Variants in CD274 observed in about 807,000 individuals in gnomAD.
CD274 encodes the protein programmed cell death 1 ligand 1.
In CD274, 8 loss-of-function variants were observed where a neutral mutation model predicts 30.1. The observed-to-expected ratio is 0.27, with a 90% confidence interval of 0.16 to 0.48. The LOEUF (loss-of-function observed/expected upper bound fraction) is 0.48. Ranked by LOEUF, CD274 falls within the 20% of genes least tolerant of loss-of-function variation. The probability of loss-of-function intolerance (pLI) is 0.99; values close to 1 mark genes in which losing one functional copy is unlikely to be tolerated. For missense variants in CD274, 353 were observed against 346.6 expected, an observed-to-expected ratio of 1.02 and a Z score of -0.15; for synonymous variants, 152 against 124.6, an observed-to-expected ratio of 1.22 and a Z score of -1.46.
intron 2 of CD274, among the ~76,000 whole-genome samples, 155 bp downstream of exon 2, chr9:5,456,320 A>G (rs561808761): frequency 9.2e-5 from 14 of 152,346 alleles, no homozygotes; most frequent in African/African-American, 3.4e-4. Context: ...TCTTCTTTCT[A>G]CTTTACGCAA....
chr9:5,458,717 G>T (rs1312502256), intron 3 of CD274, among the ~76,000 whole-genome samples: 5 of 152,142 alleles, frequency 3.3e-5, no homozygotes, highest in South Asian at 4.1e-4. Flanking sequence ...CTCAGGTAAT[G>T]CCACTATTGT....
intron 6 of CD274, among the ~76,000 whole-genome samples, chr9:5,467,144 T>C (rs529744447): frequency 7.2e-5 from 11 of 152,286 alleles, no homozygotes; most frequent in African/African-American, 2.2e-4. Context: ...ATTGTAATAC[T>C]ATGTTAATTG....
intron 1 of CD274, among the ~76,000 whole-genome samples, chr9:5,454,002 T>G (rs1437221173): frequency 6.6e-6 from 1 of 152,238 alleles, no homozygotes; most frequent in Middle Eastern, 3.2e-3. Context: ...TCTTTTCTTA[T>G]TTTCTGTAAT....
At position 5,457,326 on chromosome 9, in the gene CD274, G is replaced by C. The variant is rs1030540266; in HGVS notation, c.300G>C (p.Gln100His). The C allele has an allele frequency of 4.3e-6, 7 of 1,613,976 alleles. No individual in the cohort carries two copies. Among genetic ancestry groups the C allele is most frequent in the Admixed American group, 1.7e-5 (1 of 59,946 alleles). ...TCTCCCTGGGAAATGCTGCACTTCAGATCACAGATGTGAAATTGCAGGATG... is the reference window on the plus strand; with the variant it reads ...TCTCCCTGGGAAATGCTGCACTTCACATCACAGATGTGAAATTGCAGGATG... ...DQLSLGNAAL[Q>H]ITDVKLQDAG... Residue 100 changes from glutamine (Q) to histidine (H), a missense_variant, in exon 3 of 7, where the codon CAG becomes CAC. Coordinates refer to ENST00000381577, the MANE Select transcript of CD274 (RefSeq NM_014143.4).
chr9:5,466,230 TGGAAGGGGATTCCAATA>T (rs928781637), intron 5 of CD274, among the ~76,000 whole-genome samples: 1 of 152,178 alleles, frequency 6.6e-6, no homozygotes, highest in Non-Finnish European at 1.5e-5. Flanking sequence ...AAGTAGAATA[TGGAAGGGGATTCCAATA>T]GTCGTTGAAA....
chr9:5,462,381 T>G (rs1819419457), intron 3 of CD274, among the ~76,000 whole-genome samples: 2 of 152,184 alleles, frequency 1.3e-5, no homozygotes, highest in Non-Finnish European at 2.9e-5. Context: ...AAGAAGCACT[T>G]TACTGAGAAA....
rs2131211869 is a variant in CD274 at position 5,457,228 on chromosome 9, G to A, written c.202G>A (p.Val68Met). Reference protein sequence around the residue: ...EMEDKNIIQFVHGEEDLKVQH... With the variant: ...EMEDKNIIQFMHGEEDLKVQH... ...GGAGGATAAGAACATTATTCAATTT[G>A]TGCATGGAGAGGAAGACCTGAAGGT... The change falls in exon 3 of 7, where the codon GTG (valine) becomes ATG (methionine). Residue 68 changes from valine to methionine, a missense_variant. Physicochemically the swap from Val to Met is conservative, Grantham distance 21 (BLOSUM62 1). Transcript: ENST00000381577. The A allele has an allele frequency of 6.2e-7, 1 of 1,614,112 alleles. No homozygotes were observed.
chr9:5,457,290 G>A lies in CD274; in HGVS notation c.264G>A (p.Leu88=), dbSNP rs2131212281. 1 of 1,614,064 alleles carries A rather than the reference G, an allele frequency of 6.2e-7. No individual in the cohort carries two copies. The highest frequency in any genetic ancestry group is 8.5e-7 in the Non-Finnish European group (1 of 1,179,996). Residue 88 remains leucine, a synonymous_variant, in exon 3 of 7, where the codon TTG becomes TTA. Transcript: ENST00000381577. ...GCTACAGACAGAGGGCCCGGCTGTT[G>A]AAGGACCAGCTCTCCCTGGGAAATG... The part of the protein sequence containing the change: ...HSSYRQRARL[L]KDQLSLGNAA...
chr9:5,460,049 G>A (rs532037136), intron 3 of CD274, among the ~76,000 whole-genome samples: 2 of 152,046 alleles, frequency 1.3e-5, no homozygotes, highest in Non-Finnish European at 2.9e-5. Flanking sequence ...AAAGATTTGG[G>A]CCTGTTTTAT....
intron 3 of CD274, among the ~76,000 whole-genome samples, chr9:5,459,873 C>A (rs560546924): frequency 6.6e-6 from 1 of 152,118 alleles, no homozygotes; most frequent in South Asian, 2.1e-4. Context: ...ACCAAATCGA[C>A]TGCTGTCATT....
Position 5,467,879 on chromosome 9 carries a change from C to G in CD274, c.*17C>G, listed in dbSNP as rs2131235718. ...GAGACGTAATCCAGCATTGGAACTTCTGATCTTCAAGCAGGGATTCTCAAC... is the reference window on the plus strand; with the variant it reads ...GAGACGTAATCCAGCATTGGAACTTGTGATCTTCAAGCAGGGATTCTCAAC... On this transcript the variant is annotated 3_prime_UTR_variant, in exon 7 of 7. Coordinates refer to ENST00000381577, the MANE Select transcript of CD274 (RefSeq NM_014143.4). 2 of 1,604,320 alleles carry G rather than the reference C, an allele frequency of 1.2e-6. No individual in the cohort carries two copies.
intron 1 of CD274, among the ~76,000 whole-genome samples, chr9:5,451,854 TG>T (rs1167448219): frequency 2.6e-5 from 4 of 152,052 alleles, no homozygotes; most frequent in African/African-American, 9.7e-5. Context: ...ATTTTTTTTT[TG>T]TTTTTGTAGA....
At chr9:5,455,054 CTT>C (rs1819276632) in intron 1 of CD274, among the ~76,000 whole-genome samples, 1 of 152,016 alleles carries the variant, frequency 6.6e-6, no homozygotes, top group Non-Finnish European at 1.5e-5. Flanking sequence ...AATCTCCTGT[CTT>C]ATATATACGT....
At chr9:5,454,628 CATAT>C (rs34028061) in intron 1 of CD274, among the ~76,000 whole-genome samples, 2 of 128,764 alleles carry the variant, frequency 1.6e-5, no homozygotes, top group East Asian at 2.6e-4. Flanking sequence ...CATATACAGA[CATAT>C]ATATATATAT....
At chr9:5,453,260 A>G (rs822340) in intron 1 of CD274, among the ~76,000 whole-genome samples, 117,094 of 152,088 alleles carry the variant, frequency 0.77, 45,875 homozygotes, top group African/African-American at 0.9. Flanking sequence ...AACATGAAGG[A>G]CTCATACAGG....
intron 1 of CD274, among the ~76,000 whole-genome samples, chr9:5,451,014 C>G (rs1372638780): frequency 6.6e-6 from 1 of 152,214 alleles, no homozygotes; most frequent in African/African-American, 2.4e-5. Context: ...CTAAGTAAGT[C>G]TCTTCCTGCG....
intron 5 of CD274, 146 bp downstream of exon 5, chr9:5,465,752 T>C (rs1357854981): frequency 2.1e-5 from 12 of 559,738 alleles, no homozygotes; most frequent in Non-Finnish European, 3.9e-5. Context: ...TGAAGCTGAG[T>C]GGGATCACTG....
rs535707908 is a variant in CD274 at position 5,460,914 on chromosome 9, T to C, written c.395-1920T>C. On this transcript the variant is annotated intron_variant, in intron 3 of 6. Coordinates refer to ENST00000381577, the MANE Select transcript of CD274 (RefSeq NM_014143.4). ...GTTGTATCATAAGAAACTGCCGTTT[T>C]TGAAGAGCAAAAAAAGGTTGAATGT... Among the ~76,000 whole-genome samples the C allele has an allele frequency of 2.0e-4, 31 of 152,314 alleles. No individual in the cohort carries two copies. In the South Asian group the frequency reaches 6.4e-3, roughly 32 times the overall value.
At position 5,469,510 on chromosome 9, in the gene CD274, A is replaced by G. The variant is rs1392671075; in HGVS notation, c.*1648A>G. 11 of 231,386 alleles carry G rather than the reference A, an allele frequency of 4.8e-5. 1 individual carries two copies. In the South Asian group the frequency reaches 2.0e-3, roughly 42 times the overall value. The allele number at this position is 231,386 out of a possible 1,614,324, so 14.3% of individuals were successfully genotyped here. A position where few individuals can be genotyped will look rare whatever the true frequency, so the allele number is the denominator to read the frequency against. On this transcript the variant is annotated 3_prime_UTR_variant, in exon 7 of 7. Coordinates refer to ENST00000381577, the MANE Select transcript of CD274 (RefSeq NM_014143.4). ...TATTTTTAAAATTTTTTTCCTAAAT[A>G]GTAACACATTGTATGTCTGCTGTGT...
Sources: gnomAD v4.1 joint callset for allele counts (sites outside exome capture counted in the v4.1 genomes callset) on GRCh38, gnomAD v4.1.1 for gene constraint, MANE v1.5 for transcripts, NCBI Gene and HGNC (gene_info 2026-07-23, HGNC 2026-07-21) for gene names.